NXPE2: variants seen among roughly 807,000 people sequenced by gnomAD.
NXPE2 encodes the protein neurexophilin and PC-esterase domain family member 2.
In NXPE2, 34 loss-of-function variants were observed where a neutral mutation model predicts 34.4. The observed-to-expected ratio is 0.99, with a 90% CI of 0.75 to 1.31. The LOEUF (loss-of-function observed/expected upper bound fraction) is 1.31. Among genes scored for constraint, NXPE2 ranks in the 40% most tolerant of loss-of-function variants. The pLI is 0.00. For missense variants in NXPE2, 649 were observed against 672.5 expected (o/e 0.97, Z 0.39); for synonymous variants, 235 against 231.3 (o/e 1.02, Z -0.15).
At chr11:114,812,226 G>C in the NXPE2 span, among the ~76,000 whole-genome samples, 1 of 152,142 alleles carries the variant, frequency 6.6e-6, no homozygotes, top group Non-Finnish European at 1.5e-5. Context: ...GAGGACAAAG[G>C]GGGATAGCAA....
the NXPE2 span, among the ~76,000 whole-genome samples, chr11:114,798,792 C>A: frequency 6.6e-6 from 1 of 152,322 alleles, no homozygotes; most frequent in Non-Finnish European, 1.5e-5. Flanking sequence ...TTGCTCTAGT[C>A]TTTGTTAACA....
At chr11:114,612,023 A>C in the NXPE2 span, among the ~76,000 whole-genome samples, 1 of 151,984 alleles carries the variant, frequency 6.6e-6, no homozygotes, top group African/African-American at 2.4e-5. Context: ...ATGGGTAACC[A>C]CTGTTACCTG....
chr11:114,489,518 T>A, the NXPE2 span, among the ~76,000 whole-genome samples: 8 of 152,190 alleles, frequency 5.3e-5, no homozygotes, highest in Non-Finnish European at 1.2e-4. Context: ...CATGATCAAG[T>A]GGGCTTCATC....
At chr11:114,619,793 C>T in the NXPE2 span, among the ~76,000 whole-genome samples, 34 of 152,114 alleles carry the variant, frequency 2.2e-4, no homozygotes, top group Non-Finnish European at 7.4e-5. Flanking sequence ...AGTAATGCCT[C>T]GTGAGTAACC....
At chr11:114,490,433 G>A in the NXPE2 span, among the ~76,000 whole-genome samples, 42 of 152,128 alleles carry the variant, frequency 2.8e-4, no homozygotes, top group African/African-American at 1.0e-3. Context: ...GAGGCATCAC[G>A]CTACCTGACT....
the NXPE2 span, among the ~76,000 whole-genome samples, chr11:114,642,734 G>A: frequency 6.6e-6 from 1 of 152,044 alleles, no homozygotes; most frequent in South Asian, 2.1e-4. Flanking sequence ...ATGTGTGCAT[G>A]TGTCTTTATA....
chr11:114,704,342 C>T (rs186507305), intron 4 of NXPE2, among the ~76,000 whole-genome samples: 1 of 152,292 alleles, frequency 6.6e-6, no homozygotes, highest in Non-Finnish European at 1.5e-5. Context: ...AGATTTATTC[C>T]TCCAGAGCCA....
At chr11:114,485,799 TTCCATC>T in the NXPE2 span, among the ~76,000 whole-genome samples, 1 of 152,200 alleles carries the variant, frequency 6.6e-6, no homozygotes, top group South Asian at 2.1e-4. Flanking sequence ...TGACCTCCAG[TTCCATC>T]CCTGATGTTG....
At chr11:114,685,640 G>A (rs937079327) in intron 2 of NXPE2, among the ~76,000 whole-genome samples, 11 of 152,144 alleles carry the variant, frequency 7.2e-5, no homozygotes, top group African/African-American at 2.4e-4. Flanking sequence ...CAATTCTAGT[G>A]TGTGTATGTG....
At chr11:114,522,448 C>G in the NXPE2 span, 1 of 1,612,728 alleles carries the variant, frequency 6.2e-7, no homozygotes, top group Non-Finnish European at 8.5e-7. Context: ...TTTCTGCATC[C>G]AGAAGCAAAT....
chr11:114,547,591 C>T, the NXPE2 span, among the ~76,000 whole-genome samples: 78 of 152,064 alleles, frequency 5.1e-4, no homozygotes, highest in Middle Eastern at 3.4e-3. Context: ...AAAAATTAGC[C>T]GGGTGTGCTG....
At chr11:114,618,756 CCA>C in the NXPE2 span, among the ~76,000 whole-genome samples, 1 of 151,966 alleles carries the variant, frequency 6.6e-6, no homozygotes, top group African/African-American at 2.4e-5. Context: ...TCGTGCGTAG[CCA>C]CTGTTATCTG....
chr11:114,478,031 T>A, the NXPE2 span, among the ~76,000 whole-genome samples: 6 of 151,950 alleles, frequency 3.9e-5, no homozygotes, highest in Non-Finnish European at 7.4e-5. Flanking sequence ...TGGACTAGAG[T>A]TCCTGCTATA....
At chr11:114,640,247 A>G in the NXPE2 span, among the ~76,000 whole-genome samples, 2 of 141,290 alleles carry the variant, frequency 1.4e-5, no homozygotes, top group African/African-American at 5.2e-5. Context: ...TATATTATAA[A>G]ATATAAAATA....
At chr11:114,775,827 C>G in the NXPE2 span, among the ~76,000 whole-genome samples, 1 of 149,590 alleles carries the variant, frequency 6.7e-6, no homozygotes, top group Non-Finnish European at 1.5e-5. Flanking sequence ...TAGATACTTG[C>G]TAAGAGGTAA....
the NXPE2 span, among the ~76,000 whole-genome samples, chr11:114,810,236 C>A: frequency 6.6e-6 from 1 of 150,466 alleles, no homozygotes; most frequent in African/African-American, 2.5e-5. Context: ...ACCATAAAAA[C>A]CCTAGAAGAA....
intron 3 of NXPE2, among the ~76,000 whole-genome samples, chr11:114,699,080 C>T (rs1409080600): frequency 6.6e-6 from 1 of 152,036 alleles, no homozygotes; most frequent in Admixed American, 6.6e-5. Flanking sequence ...ATAATGTGTT[C>T]CAGGGAATAC....
At chr11:114,569,192 T>C in the NXPE2 span, among the ~76,000 whole-genome samples, 2 of 152,152 alleles carry the variant, frequency 1.3e-5, no homozygotes, top group Non-Finnish European at 2.9e-5. Context: ...TGGGGCATGA[T>C]GAAGGGTACA....
the NXPE2 span, among the ~76,000 whole-genome samples, chr11:114,537,914 A>T: frequency 6.6e-6 from 1 of 152,196 alleles, no homozygotes; most frequent in African/African-American, 2.4e-5. Flanking sequence ...CTTTCTTCAC[A>T]GAATTGGAAA....
Sources: allele counts gnomAD v4.1 joint callset (sites outside exome capture counted in the v4.1 genomes callset), GRCh38; gene constraint gnomAD v4.1.1; transcripts MANE v1.5; gene names NCBI Gene and HGNC (gene_info 2026-07-23, HGNC 2026-07-21).